FBN1: variants seen among roughly 807,000 people sequenced by gnomAD.
FBN1 encodes the protein fibrillin 1.
FBN1 carries 29 observed loss-of-function variants against 365.1 expected under a neutral mutation model. That is an observed-to-expected ratio of 0.08 (90% CI 0.06 to 0.11). The LOEUF is 0.11. Ranked by LOEUF, FBN1 falls within the 10% of genes least tolerant of loss-of-function variation. FBN1 has a pLI of 1.00. For synonymous variants in FBN1, 1,210 were observed against 1,270.5 expected (o/e 0.95, Z 1.01); for missense variants, 2,476 against 3,703.2 (o/e 0.67, Z 8.60).
intron 17 of FBN1, among the ~76,000 whole-genome samples, chr15:48,502,600 G>A (rs1315014347): frequency 6.6e-6 from 1 of 152,130 alleles, no homozygotes; most frequent in East Asian, 1.9e-4. Context: ...CCACTGCCAA[G>A]CTACCTTAAA....
chr15:48,526,014 GTACATTT>G, intron 9 of FBN1, 109 bp downstream of exon 9: 2 of 1,391,166 alleles, frequency 1.4e-6, no homozygotes, highest in South Asian at 1.2e-5. Flanking sequence ...TTCCAAAAAT[GTACATTT>G]TACCTCAGTT....
At chr15:48,615,752 TGAA>T (rs66619007) in intron 2 of FBN1, among the ~76,000 whole-genome samples, 14,694 of 152,112 alleles carry the variant, frequency 0.097, 929 homozygotes, top group Non-Finnish European at 0.14. Flanking sequence ...TTTAAAGTTG[TGAA>T]GAAGAAGAGA....
chr15:48,413,207 C>T (rs2042877956), intron 64 of FBN1, among the ~76,000 whole-genome samples: 1 of 152,228 alleles, frequency 6.6e-6, no homozygotes, highest in African/African-American at 2.4e-5. Context: ...CATTACTTTT[C>T]CTCACTCAAG....
rs1050639341 is a variant in FBN1, at chr15:48,562,965, T to C, written c.539-25157A>G. On this transcript the variant is annotated intron_variant, in intron 6 of 65. Coordinates refer to ENST00000316623, the MANE Select transcript of FBN1 (RefSeq NM_000138.5). ...AAAAGAAGATGTTTTTATCTATTTGTAAAGTCCTTTAGAGGAGGATTATAT... is the reference window on the plus strand; with the variant it reads ...AAAAGAAGATGTTTTTATCTATTTGCAAAGTCCTTTAGAGGAGGATTATAT... 3.3e-5 allele frequency among the ~76,000 whole-genome samples: 5 copies of C among 152,182 alleles called. 1 individual carries two copies. Among genetic ancestry groups the C allele is most frequent in the African/African-American group, 4.8e-5 (2 of 41,452 alleles).
chr15:48,586,052 G>A (rs1386253146), intron 6 of FBN1, among the ~76,000 whole-genome samples: 1 of 152,134 alleles, frequency 6.6e-6, no homozygotes, highest in East Asian at 1.9e-4. Flanking sequence ...TTGACAAGGT[G>A]AATATGCTCA....
chr15:48,564,510 T>C (rs1173087253), intron 6 of FBN1, among the ~76,000 whole-genome samples: 3 of 151,266 alleles, frequency 2.0e-5, no homozygotes, highest in African/African-American at 7.3e-5. Flanking sequence ...TTCAGGACTT[T>C]TTTTTTTTGT....
Position 48,477,015 on chromosome 15 carries a change from T to C in FBN1, c.3965-2365A>G, listed in dbSNP as rs148576064. Among the ~76,000 whole-genome samples, 71 of 152,226 alleles carry C rather than the reference T, an allele frequency of 4.7e-4. No individual in the cohort carries two copies. The East Asian group carries it at 0.013, about 28-fold the overall frequency. The stretch of plus-strand genomic sequence containing the variant: ...ATATTGGTGAATATTAACTGACTTA[T>C]AGAAATACTCACTAATATCTTCTAC... On this transcript the variant is annotated intron_variant, in intron 32 of 65. Coordinates refer to ENST00000316623, the MANE Select transcript of FBN1 (RefSeq NM_000138.5).
chr15:48,494,055 C>T, intron 23 of FBN1, 149 bp downstream of exon 23: 1 of 688,108 alleles, frequency 1.5e-6, no homozygotes, highest in Admixed American at 2.1e-5. Context: ...GTGAAATTAA[C>T]AGCTGTTCCG....
chr15:48,626,317 C>T (rs1889878256), intron 2 of FBN1, among the ~76,000 whole-genome samples: 1 of 151,566 alleles, frequency 6.6e-6, no homozygotes, highest in Admixed American at 6.6e-5. Context: ...ATTTCATCTA[C>T]TTTTTTAAAT....
intron 2 of FBN1, among the ~76,000 whole-genome samples, chr15:48,627,693 T>C (rs1889910358): frequency 6.6e-6 from 1 of 152,328 alleles, no homozygotes; most frequent in South Asian, 2.1e-4. Flanking sequence ...TGCTGGGATA[T>C]TGTCCATTAC....
At chr15:48,629,342 T>C (rs1392887702) in intron 2 of FBN1, among the ~76,000 whole-genome samples, 5 of 152,014 alleles carry the variant, frequency 3.3e-5, no homozygotes, top group Admixed American at 1.3e-4. Context: ...ATACATAAAT[T>C]ACAAGGAAAA....
intron 36 of FBN1, among the ~76,000 whole-genome samples, chr15:48,470,009 T>A (rs1187628205): frequency 6.6e-6 from 1 of 152,132 alleles, no homozygotes; most frequent in Non-Finnish European, 1.5e-5. Context: ...TTCTTCAGTA[T>A]CCTTGAACAG....
chr15:48,578,186 T>A (rs185483792), intron 6 of FBN1, among the ~76,000 whole-genome samples: 4 of 152,292 alleles, frequency 2.6e-5, no homozygotes, highest in Admixed American at 2.6e-4. Flanking sequence ...TAGTTCAAAT[T>A]CATTTTTAGT....
At chr15:48,458,921 T>C (rs1376320657) in intron 43 of FBN1, among the ~76,000 whole-genome samples, 1 of 152,228 alleles carries the variant, frequency 6.6e-6, no homozygotes, top group Non-Finnish European at 1.5e-5. Context: ...TATAGCTAAA[T>C]AACAGATGTC....
In FBN1 at chr15:48,516,224, C is replaced by A. The variant is rs368089138; in HGVS notation, c.1286G>T (p.Arg429Leu). ...TGGATACAGATATTCCACTGGTGGT[C>A]GAGGGACCGGAATTTGAGGTCCAGG... ...FPPGPQIPVP[R>L]PPVEYLYPSR... Residue 429 changes from arginine to leucine, a missense_variant, in exon 11 of 66, where the codon CGA becomes CTA. Physicochemically the swap from Arg to Leu is moderately radical, Grantham distance 102 (BLOSUM62 -2). This residue lies in a region of FBN1 where 421 missense variants were observed against 520.1 expected (regional missense o/e 0.81). Transcript: ENST00000316623. 2 of 1,613,044 alleles carry A rather than the reference C, an allele frequency of 1.2e-6. No homozygotes were observed. Among genetic ancestry groups the A allele is most frequent in the Non-Finnish European group, 1.7e-6 (2 of 1,179,754 alleles).
At chr15:48,547,229 T>C (rs546338695) in intron 6 of FBN1, among the ~76,000 whole-genome samples, 15 of 152,166 alleles carry the variant, frequency 9.9e-5, no homozygotes, top group Non-Finnish European at 2.1e-4. Context: ...GTATAAACAT[T>C]AGGGTTGAGA....
In FBN1 at chr15:48,460,250, G is replaced by A. The variant is rs111756438; in HGVS notation, c.5292C>T (p.Pro1764=). 2.0e-5 allele frequency: 32 copies of A among 1,612,684 alleles called. No homozygotes were observed. Among genetic ancestry groups the A allele is most frequent in the African/African-American group, 5.3e-5 (4 of 74,986 alleles). ...GACAATGCCGTCATGACTCACCAAC[G>A]GGTAAACCGGTATAAATGTCGATGA... The part of the protein sequence containing the change: ...GFVIDIYTGL[P]VDIDECREIP... The change falls in exon 43 of 66, where the codon CCC becomes CCT. Residue 1764 remains proline (P), a synonymous_variant. Coordinates refer to ENST00000316623, the MANE Select transcript of FBN1 (RefSeq NM_000138.5).
At chr15:48,564,957 C>T (rs1415110009) in intron 6 of FBN1, among the ~76,000 whole-genome samples, 2 of 152,154 alleles carry the variant, frequency 1.3e-5, no homozygotes, top group East Asian at 3.8e-4. Context: ...GATTACTTTC[C>T]TATGTACCAA....
intron 55 of FBN1, 50 bp from the exon 56 acceptor site, chr15:48,430,852 G>T: frequency 1.3e-6 from 2 of 1,583,176 alleles, no homozygotes. Flanking sequence ...GCATATATCT[G>T]CCTTAATTAC....
Sources: allele counts gnomAD v4.1 joint callset (sites outside exome capture counted in the v4.1 genomes callset), GRCh38; gene constraint gnomAD v4.1.1; regional missense constraint gnomAD v4.1.1; transcripts MANE v1.5; gene names NCBI Gene and HGNC (gene_info 2026-07-23, HGNC 2026-07-21).